The following REXO5 variants were observed in gnomAD, a reference collection of about 807,000 sequenced individuals.
REXO5 encodes the protein RNA exonuclease 5.
Under a neutral mutation model 88.5 loss-of-function variants are expected in REXO5, and 48 were observed. That is an observed-to-expected ratio of 0.54 (90% CI 0.43 to 0.69). The LOEUF is 0.69. REXO5 is among the 30% of genes least tolerant of loss of function. The pLI, the probability that REXO5 is intolerant of heterozygous loss-of-function variation, is 0.00. For synonymous variants in REXO5, 311 were observed against 336.5 expected, an observed-to-expected ratio of 0.92 and a Z score of 0.83; for missense variants, 749 against 912.2, an observed-to-expected ratio of 0.82 and a Z score of 2.30.
chr16:20,847,163 A>C (rs1221698274), intron 19 of REXO5, among the ~76,000 whole-genome samples: 1 of 151,828 alleles, frequency 6.6e-6, no homozygotes, highest in Non-Finnish European at 1.5e-5. Flanking sequence ...TAATCCTAGC[A>C]CTTTAGAAGG....
chr16:20,806,815 T>G, intron 1 of REXO5, 110 bp downstream of exon 1: 1 of 1,343,330 alleles, frequency 7.4e-7, no homozygotes, highest in Non-Finnish European at 1.0e-6. Flanking sequence ...CGGGGATAGT[T>G]CGGTAAACTG....
chr16:20,806,784 A>C (rs922537370), intron 1 of REXO5, 79 bp downstream of exon 1: 1 of 1,167,266 alleles, frequency 8.6e-7, no homozygotes, highest in East Asian at 2.6e-5. Flanking sequence ...GATCGTTGGC[A>C]CCTTCGCTTT....
At chr16:20,823,677 G>GC (rs749058413) in intron 6 of REXO5, 2 of 152,296 alleles carry the variant, frequency 1.3e-5, no homozygotes, top group South Asian at 2.1e-4. Flanking sequence ...GGTTTGCATA[G>GC]CCCCCTTTGT....
chr16:20,806,961 C>G lies in REXO5; in HGVS notation c.8C>G (p.Pro3Arg), dbSNP rs1016381414. Residue 3 changes from proline to arginine, a missense_variant, in exon 2 of 20, where the codon CCA becomes CGA. Physicochemically the swap from Pro to Arg is moderately radical, Grantham distance 103. Transcript: ENST00000261377. Reference sequence around the variant, plus strand: ...TCATCTTTCTCCACAGCCATGGAGCCAGAGAGGGAAGGGACCGAGAGACAC... The same window carrying G: ...TCATCTTTCTCCACAGCCATGGAGCGAGAGAGGGAAGGGACCGAGAGACAC... The part of the protein sequence containing the change: ME[P>R]EREGTERHPR... 9.4e-6 allele frequency: 15 copies of G among 1,591,058 alleles called. No individual in the cohort carries two copies. Among genetic ancestry groups the G allele is most frequent in the Non-Finnish European group, 1.3e-5 (15 of 1,168,262 alleles).
intron 6 of REXO5, among the ~76,000 whole-genome samples, chr16:20,823,056 T>C (rs980340135): frequency 3.3e-5 from 5 of 152,216 alleles, no homozygotes; most frequent in African/African-American, 1.2e-4. Flanking sequence ...TTTACTATTA[T>C]CTTGTCTGAA....
intron 11 of REXO5, among the ~76,000 whole-genome samples, chr16:20,831,930 T>C (rs2081351162): frequency 6.6e-6 from 1 of 152,216 alleles, no homozygotes; most frequent in South Asian, 2.1e-4. Context: ...ACAATGTTAG[T>C]AGCTGATAAC....
Position 20,849,476 on chromosome 16 carries a change from C to T in REXO5, c.2321C>T (p.Ser774Leu), listed in dbSNP as rs764829816. Residue 774 changes from serine to leucine, a missense_variant, in exon 20 of 20, where the codon TCG (serine) becomes TTG (leucine). By Grantham distance (145) the Ser-to-Leu change is moderately radical. Coordinates refer to ENST00000261377, the MANE Select transcript of REXO5 (RefSeq NM_030941.3). ...GAAAGCGCTGGCCCAGGCCTGTGTT[C>T]GTGAGTCGGCCTGCCATGTTTCCAT... ...EEESAGPGLCS is the reference protein window; with the variant it reads ...EEESAGPGLCL 4.3e-6 allele frequency: 7 copies of T among 1,613,946 alleles called. No homozygotes were observed. The highest frequency in any genetic ancestry group is 1.7e-5 in the Admixed American group (1 of 60,006).
Position 20,825,630 on chromosome 16 carries a change from C to T in REXO5, c.706-203C>T. Reference sequence around the variant, plus strand: ...ATTCATCTTCTTTGTGCAGACTACACTGTGTTGATCCTCTTAAGTGTAACA... The same window carrying T: ...ATTCATCTTCTTTGTGCAGACTACATTGTGTTGATCCTCTTAAGTGTAACA... On this transcript the variant is annotated intron_variant, in intron 7 of 19. Transcript: ENST00000261377. 7 of 545,848 alleles carry T rather than the reference C, an allele frequency of 1.3e-5. No individual in the cohort carries two copies. The South Asian group carries it at 1.3e-4, about 10-fold the overall frequency. 33.8% of individuals were successfully genotyped at this position (545,848 alleles called of 1,614,324 possible).
At position 20,845,204 on chromosome 16, in the gene REXO5, G is replaced by T; in HGVS notation, c.2087G>T (p.Arg696Leu). ...GAATCAACAAGGCTCCCAGGGCTTC[G>T]TGTTGTACCTCCCCCCTTTGAACAG... ...PPESTRLPGL[R>L]VVPPPFEQEA... Residue 696 changes from arginine to leucine, a missense_variant, in exon 18 of 20, where the codon CGT becomes CTT. Coordinates refer to ENST00000261377, the MANE Select transcript of REXO5 (RefSeq NM_030941.3). 6.2e-7 allele frequency: 1 copy of T among 1,613,626 alleles called. No individual in the cohort carries two copies. Among genetic ancestry groups the T allele is most frequent in the Non-Finnish European group, 8.5e-7 (1 of 1,179,844 alleles).
At chr16:20,813,144 C>G (rs955113909) in intron 2 of REXO5, 46 bp from the exon 3 acceptor site, 1 of 1,269,458 alleles carries the variant, frequency 7.9e-7, no homozygotes, top group Non-Finnish European at 1.2e-6. Context: ...TGTTGGTATT[C>G]TTGATAACCA....
intron 5 of REXO5, chr16:20,820,907 C>A (rs1016789583): frequency 2.0e-5 from 3 of 151,950 alleles, no homozygotes; most frequent in Non-Finnish European, 4.4e-5. Flanking sequence ...AGCAGGCGGT[C>A]TGATGAACTT....
At chr16:20,818,936 C>T (rs1210248918) in intron 5 of REXO5, among the ~76,000 whole-genome samples, 1 of 152,192 alleles carries the variant, frequency 6.6e-6, no homozygotes, top group Non-Finnish European at 1.5e-5. Context: ...TTACCTCCAC[C>T]AACCCCTCTG....
At chr16:20,836,006 T>A (rs1368869889) in intron 13 of REXO5, among the ~76,000 whole-genome samples, 2 of 152,050 alleles carry the variant, frequency 1.3e-5, no homozygotes, top group African/African-American at 2.4e-5. Flanking sequence ...ATCGCACTAC[T>A]GCACTCCAGC....
chr16:20,832,184 C>G lies in REXO5; in HGVS notation c.1187C>G (p.Ala396Gly), dbSNP rs200677459. ...GCAGAACTAAATCTAGAAGCACTAG[C>G]TAATCACCAAGAAATACAAGCAGCA... ...KIAELNLEALANHQEIQAAGQ... is the reference protein window; with the variant it reads ...KIAELNLEALGNHQEIQAAGQ... Residue 396 changes from alanine to glycine, a missense_variant, in exon 12 of 20, where the codon GCT becomes GGT. By Grantham distance (60) the Ala-to-Gly change is moderately conservative (BLOSUM62 0). Coordinates refer to ENST00000261377, the MANE Select transcript of REXO5 (RefSeq NM_030941.3). The G allele has an allele frequency of 5.6e-6, 9 of 1,610,202 alleles. No homozygotes were observed. In the East Asian group the frequency reaches 2.0e-4, roughly 36 times the overall value.
chr16:20,822,304 G>C (rs1401121650), intron 6 of REXO5, among the ~76,000 whole-genome samples: 1 of 152,018 alleles, frequency 6.6e-6, no homozygotes, highest in African/African-American at 2.4e-5. Flanking sequence ...AACAAATAGA[G>C]CAGGTCTAGG....
intron 13 of REXO5, among the ~76,000 whole-genome samples, chr16:20,834,589 T>C (rs2081396309): frequency 6.6e-6 from 1 of 152,210 alleles, no homozygotes; most frequent in African/African-American, 2.4e-5. Flanking sequence ...TCCCATTGCA[T>C]ATGTATTAGG....
In REXO5 at chr16:20,815,088, C is replaced by G. The variant is rs544717775; in HGVS notation, c.378+35C>G. ...GAATACTTTGTACTAGGGGCTGAGTCTGTTTTCCCATTCTGAGACTAATAC... is the reference window on the plus strand; with the variant it reads ...GAATACTTTGTACTAGGGGCTGAGTGTGTTTTCCCATTCTGAGACTAATAC... On this transcript the variant is annotated intron_variant, in intron 4 of 19. Coordinates refer to ENST00000261377, the MANE Select transcript of REXO5 (RefSeq NM_030941.3). The G allele has an allele frequency of 5.0e-6, 8 of 1,590,854 alleles. No homozygotes were observed. The South Asian group carries it at 8.1e-5, about 16-fold the overall frequency.
At chr16:20,828,942 T>C (rs190000054) in intron 11 of REXO5, among the ~76,000 whole-genome samples, 1 of 134,252 alleles carries the variant, frequency 7.4e-6, no homozygotes, top group Non-Finnish European at 1.6e-5. Flanking sequence ...AGACTTCATC[T>C]CAAAAAAAAA....
At chr16:20,829,316 TA>T (rs2081306358) in intron 11 of REXO5, among the ~76,000 whole-genome samples, 1 of 152,202 alleles carries the variant, frequency 6.6e-6, no homozygotes, top group Admixed American at 6.5e-5. Context: ...CTAATAATTA[TA>T]AAAAATCTGC....
Sources: allele counts gnomAD v4.1 joint callset (sites outside exome capture counted in the v4.1 genomes callset), GRCh38; gene constraint gnomAD v4.1.1; transcripts MANE v1.5; gene names NCBI Gene and HGNC (gene_info 2026-07-23, HGNC 2026-07-21).